The following GTF2IRD1 variants were observed in gnomAD, a reference collection of about 807,000 sequenced individuals.
GTF2IRD1 encodes the protein general transcription factor II-I repeat domain-containing protein 1.
A neutral mutation model predicts 113.2 loss-of-function variants in GTF2IRD1; 26 were observed. That is an observed-to-expected ratio of 0.23 (90% CI 0.17 to 0.32). The LOEUF is 0.32. GTF2IRD1 is among the 10% of genes least tolerant of loss of function. The pLI is 1.00. For synonymous variants in GTF2IRD1, 484 were observed against 529.1 expected, an observed-to-expected ratio of 0.91 and a Z score of 1.17; for missense variants, 864 against 1,280.8, an observed-to-expected ratio of 0.67 and a Z score of 4.97.
In GTF2IRD1 at chr7:74,512,122, C is replaced by T. The variant is rs1038712104; in HGVS notation, c.124-708C>T. Among the ~76,000 whole-genome samples, 15 of 152,244 alleles carry T rather than the reference C, an allele frequency of 9.9e-5. No homozygotes were observed. The highest frequency in any genetic ancestry group is 2.1e-4 in the South Asian group (1 of 4,816). ...ATCCCAGCACTTTGGGAGGCTGAGA[C>T]GGGCAGATCACCTGAGGTCAGGAGT... is the stretch of plus-strand genomic sequence containing the variant. On this transcript the variant is annotated intron_variant, in intron 2 of 26. Transcript: ENST00000424337. The surrounding 1 kb of genome is among the most constrained non-coding windows in gnomAD (Gnocchi z 4.4).
intron 1 of GTF2IRD1, among the ~76,000 whole-genome samples, chr7:74,459,018 A>G (rs1793182668): frequency 6.6e-6 from 1 of 152,034 alleles, no homozygotes; most frequent in Admixed American, 6.6e-5. Context: ...GTCCTGTGGA[A>G]CTGATCCATT....
intron 22 of GTF2IRD1, among the ~76,000 whole-genome samples, chr7:74,561,854 G>A (rs1340350331): frequency 6.6e-6 from 1 of 152,174 alleles, no homozygotes; most frequent in African/African-American, 2.4e-5. Context: ...TAGCTAGGAG[G>A]TTGACGCTAG....
intron 22 of GTF2IRD1, 128 bp from the exon 23 acceptor site, chr7:74,589,723 T>A: frequency 3.5e-6 from 2 of 576,460 alleles, no homozygotes; most frequent in Non-Finnish European, 6.3e-6. Context: ...AAAACAGCTA[T>A]ATAGGAGTGG....
chr7:74,593,695 T>C (rs1554370883), intron 24 of GTF2IRD1, among the ~76,000 whole-genome samples: 1 of 140,532 alleles, frequency 7.1e-6, no homozygotes, highest in African/African-American at 2.7e-5. Context: ...ATAGTGTCAC[T>C]GCACTCCAGC....
At position 74,518,357 on chromosome 7, in the gene GTF2IRD1, GC is replaced by G. The variant is rs782630026; in HGVS notation, c.605+36del. The G allele has an allele frequency of 6.6e-6, 10 of 1,522,672 alleles. No individual in the cohort carries two copies. The African/African-American group carries it at 1.5e-4, about 23-fold the overall frequency. The allele number at this position is 1,522,672 out of a possible 1,614,324, so 94.3% of individuals were successfully genotyped here. ...GTAGCCGGCCCGGGGCTGGGCTGGG[GC>G]TGGGCCAGGGCCGGGTCAGGGCCGG... On this transcript the variant is annotated intron_variant, in intron 5 of 26. Coordinates refer to ENST00000424337, the MANE Select transcript of GTF2IRD1 (RefSeq NM_005685.4).
chr7:74,480,810 G>A (rs1584487191), intron 1 of GTF2IRD1, among the ~76,000 whole-genome samples: 3 of 152,160 alleles, frequency 2.0e-5, no homozygotes, highest in Admixed American at 1.3e-4. Flanking sequence ...TGAGTTTGGG[G>A]GCTCTCTTTG....
intron 1 of GTF2IRD1, among the ~76,000 whole-genome samples, chr7:74,462,848 T>C (rs1189729088): frequency 6.6e-6 from 1 of 152,236 alleles, no homozygotes; most frequent in African/African-American, 2.4e-5. Context: ...TGCCTGCCGC[T>C]GCCCTCCGGG....
At chr7:74,554,099 C>T (rs1265435137) in intron 17 of GTF2IRD1, among the ~76,000 whole-genome samples, 1 of 152,160 alleles carries the variant, frequency 6.6e-6, no homozygotes, top group Non-Finnish European at 1.5e-5. Flanking sequence ...AGAGACTCCT[C>T]GGAGTTGCTG....
intron 1 of GTF2IRD1, among the ~76,000 whole-genome samples, chr7:74,473,427 G>C (rs1794220932): frequency 6.6e-6 from 1 of 151,512 alleles, no homozygotes; most frequent in African/African-American, 2.4e-5. Context: ...GCAGCTCAGG[G>C]CTTTTTTTTT....
At chr7:74,578,204 C>T (rs1253927892) in intron 22 of GTF2IRD1, among the ~76,000 whole-genome samples, 1 of 151,922 alleles carries the variant, frequency 6.6e-6, no homozygotes, top group African/African-American at 2.4e-5. Flanking sequence ...TTTTTTGAGA[C>T]GGAGTCTCGC....
intron 15 of GTF2IRD1, 135 bp downstream of exon 15, chr7:74,544,937 G>A: frequency 1.5e-6 from 1 of 662,414 alleles, no homozygotes; most frequent in East Asian, 2.8e-5. Flanking sequence ...TGGTGTGGGG[G>A]TGGGAATCCT....
chr7:74,554,846 A>G (rs782816865), intron 17 of GTF2IRD1, among the ~76,000 whole-genome samples: 5 of 152,140 alleles, frequency 3.3e-5, no homozygotes, highest in Admixed American at 6.6e-5. Context: ...CCTTGTTTCT[A>G]CACTTTAAAC....
At chr7:74,559,306 G>A (rs1185102834) in intron 21 of GTF2IRD1, among the ~76,000 whole-genome samples, 3 of 152,124 alleles carry the variant, frequency 2.0e-5, no homozygotes, top group African/African-American at 4.8e-5. Context: ...AGCAACACCC[G>A]CTCACTGCAC....
chr7:74,514,890 C>G (rs1204851764), intron 3 of GTF2IRD1, among the ~76,000 whole-genome samples: 2 of 151,740 alleles, frequency 1.3e-5, no homozygotes, highest in Non-Finnish European at 2.9e-5. Context: ...GACCCCATCT[C>G]TACTAAAAAT....
intron 11 of GTF2IRD1, 93 bp downstream of exon 11, chr7:74,536,368 C>A: frequency 1.5e-6 from 1 of 685,022 alleles, no homozygotes; most frequent in African/African-American, 1.8e-5. Flanking sequence ...GGGCGGCTCC[C>A]ACCACACCAC....
At chr7:74,601,585 C>G in intron 26 of GTF2IRD1, 1 of 803,854 alleles carries the variant, frequency 1.2e-6, no homozygotes, top group Non-Finnish European at 1.8e-6. Flanking sequence ...CCAGGCTGAC[C>G]AACACGGGGA....
In GTF2IRD1 at chr7:74,576,002, T is replaced by TA. The variant is rs880000685; in HGVS notation, c.2321-13836dup. On this transcript the variant is annotated intron_variant, in intron 22 of 26. Transcript: ENST00000424337. ...GGGCAACATAGCAAGACCCCATCTC[T>TA]AAAAAAAAAAAAATAGCTGCACGTA... Among the ~76,000 whole-genome samples, 274 of 141,054 alleles carry TA rather than the reference T, an allele frequency of 1.9e-3. 2 individuals are homozygous for TA. Among genetic ancestry groups the TA allele is most frequent in the South Asian group, 2.3e-3 (10 of 4,430 alleles). 92.5% of individuals were successfully genotyped at this position (141,054 alleles called of 152,430 possible).
At chr7:74,593,754 A>T (rs59610327) in intron 24 of GTF2IRD1, among the ~76,000 whole-genome samples, 82,797 of 138,812 alleles carry the variant, frequency 0.6, 25,024 homozygotes, top group East Asian at 0.66. Flanking sequence ...AAAAAAAAAA[A>T]TTAGCTAAGT....
At chr7:74,516,508 C>T (rs587661565) in intron 4 of GTF2IRD1, among the ~76,000 whole-genome samples, 79 of 152,336 alleles carry the variant, frequency 5.2e-4, no homozygotes, top group Middle Eastern at 3.4e-3. Flanking sequence ...GGTCTTCACA[C>T]GCCCTGGGAA....
Sources: gnomAD v4.1 joint callset for allele counts (sites outside exome capture counted in the v4.1 genomes callset) on GRCh38, gnomAD v4.1.1 for gene constraint, Gnocchi (gnomAD v3.1) non-coding constraint, MANE v1.5 for transcripts, NCBI Gene and HGNC (gene_info 2026-07-23, HGNC 2026-07-21) for gene names.